GPR39: variants seen among roughly 807,000 people sequenced by gnomAD.
GPR39 encodes the protein G protein-coupled receptor 39, also known as zinc sensing receptor.
GPR39 carries 23 observed loss-of-function variants against 18.4 expected under a neutral mutation model. The ratio of observed to expected loss-of-function variants is 1.25; its 90% CI spans 0.90 to 1.77. The LOEUF is 1.77. Ranked by LOEUF, GPR39 falls within the 40% of genes most tolerant of loss-of-function variation. The pLI, the probability that GPR39 is intolerant of heterozygous loss-of-function variation, is 0.00. For missense variants in GPR39, 647 were observed against 602.4 expected (o/e 1.07, Z -0.78); for synonymous variants, 280 against 257.9 (o/e 1.09, Z -0.82).
At chr2:132,419,465 T>C (rs976959460) in intron 1 of GPR39, among the ~76,000 whole-genome samples, 9 of 152,240 alleles carry the variant, frequency 5.9e-5, no homozygotes, top group African/African-American at 1.9e-4. Flanking sequence ...TTGACAAGCA[T>C]AGGTAAGCCT....
chr2:132,427,888 T>TAA (rs1452996611), intron 1 of GPR39, among the ~76,000 whole-genome samples: 53 of 142,702 alleles, frequency 3.7e-4, no homozygotes, highest in Non-Finnish European at 5.9e-4. Flanking sequence ...TATATATATA[T>TAA]AATATATATA....
intron 1 of GPR39, among the ~76,000 whole-genome samples, chr2:132,625,087 T>C (rs1681517158): frequency 6.7e-6 from 1 of 149,556 alleles, no homozygotes; most frequent in African/African-American, 2.4e-5. Context: ...TTTTTTTTTT[T>C]TGCTTCTACA....
chr2:132,500,523 T>C (rs1461009538), intron 1 of GPR39, among the ~76,000 whole-genome samples: 1 of 152,212 alleles, frequency 6.6e-6, no homozygotes, highest in Non-Finnish European at 1.5e-5. Flanking sequence ...TCATCAGGGA[T>C]ATTGGTCTGT....
At position 132,639,200 on chromosome 2, in the gene GPR39, C is replaced by A. The variant is rs1358086781; in HGVS notation, c.857-5901C>A. On this transcript the variant is annotated intron_variant, in intron 1 of 1. Coordinates refer to ENST00000329321, the MANE Select transcript of GPR39 (RefSeq NM_001508.3). ...GGACAGGATCCTTAATAGGCCCCAG[C>A]CATCAAGAAGCAATTGCCAAGTAAA... Among the ~76,000 whole-genome samples the A allele has an allele frequency of 2.0e-5, 3 of 151,594 alleles. No individual in the cohort carries two copies. The East Asian group carries it at 5.8e-4, about 29-fold the overall frequency.
intron 1 of GPR39, among the ~76,000 whole-genome samples, chr2:132,489,316 G>C (rs1681410240): frequency 6.6e-6 from 1 of 152,068 alleles, no homozygotes; most frequent in Non-Finnish European, 1.5e-5. Context: ...CGTGGTGCTG[G>C]GCTTGGTGCC....
At position 132,646,268 on chromosome 2, in the gene GPR39, C is replaced by G. The variant is rs1270619003; in HGVS notation, c.*662C>G. 2.6e-6 allele frequency: 4 copies of G among 1,551,210 alleles called. No homozygotes were observed. The highest frequency in any genetic ancestry group is 3.5e-6 in the Non-Finnish European group (4 of 1,145,246). Reference sequence around the variant, plus strand: ...GGCCGCTGATGATGCACAGGACTTGCGGTACATGATCCCTGTAACACAGAC... The same window carrying G: ...GGCCGCTGATGATGCACAGGACTTGGGGTACATGATCCCTGTAACACAGAC... On this transcript the variant is annotated 3_prime_UTR_variant, in exon 2 of 2. Coordinates refer to ENST00000329321, the MANE Select transcript of GPR39 (RefSeq NM_001508.3).
intron 1 of GPR39, among the ~76,000 whole-genome samples, chr2:132,489,488 G>A: frequency 6.6e-6 from 1 of 152,052 alleles, no homozygotes; most frequent in East Asian, 1.9e-4. Flanking sequence ...TTTCTTGACT[G>A]TGTGACTATA....
chr2:132,603,379 G>A (rs1276307829), intron 1 of GPR39, among the ~76,000 whole-genome samples: 1 of 152,156 alleles, frequency 6.6e-6, no homozygotes, highest in Non-Finnish European at 1.5e-5. Context: ...CTGATAAGGG[G>A]AGGAGAGGAT....
chr2:132,597,082 G>A (rs1009202093), intron 1 of GPR39, among the ~76,000 whole-genome samples: 20 of 152,166 alleles, frequency 1.3e-4, no homozygotes, highest in African/African-American at 4.8e-4. Flanking sequence ...TGAAGGAGAG[G>A]TGAGGACAGG....
At chr2:132,506,079 A>G (rs1284280199) in intron 1 of GPR39, among the ~76,000 whole-genome samples, 1 of 152,112 alleles carries the variant, frequency 6.6e-6, no homozygotes, top group Non-Finnish European at 1.5e-5. Flanking sequence ...TGTCTTTTTA[A>G]TAATAGCCAT....
chr2:132,516,504 C>T (rs993974765), intron 1 of GPR39, among the ~76,000 whole-genome samples: 6 of 152,126 alleles, frequency 3.9e-5, no homozygotes, highest in African/African-American at 1.4e-4. Context: ...CTGACATTTC[C>T]TATTCTTAAT....
chr2:132,480,560 A>G (rs1228535144), intron 1 of GPR39, among the ~76,000 whole-genome samples: 1 of 152,168 alleles, frequency 6.6e-6, no homozygotes. Flanking sequence ...GGGCAGGGAC[A>G]GGAGGAAGGA....
chr2:132,451,112 T>C (rs1034890779), intron 1 of GPR39, among the ~76,000 whole-genome samples: 1 of 151,636 alleles, frequency 6.6e-6, no homozygotes, highest in Non-Finnish European at 1.5e-5. Context: ...TGGGAAGCTC[T>C]GGAGGCTAGC....
chr2:132,536,414 T>G (rs947393547), intron 1 of GPR39, among the ~76,000 whole-genome samples: 12 of 152,250 alleles, frequency 7.9e-5, no homozygotes, highest in African/African-American at 2.9e-4. Flanking sequence ...CTAATGTAGT[T>G]GCACTGTGGT....
At position 132,512,384 on chromosome 2, in the gene GPR39, A is replaced by AG. The variant is rs201221372; in HGVS notation, c.856+94493dup. ...AGAGATGAGGGCACTGAAAAGGATA[A>AG]GGGGGGGTACAGCCCCCTTCTCCCT... On this transcript the variant is annotated intron_variant, in intron 1 of 1. Coordinates refer to ENST00000329321, the MANE Select transcript of GPR39 (RefSeq NM_001508.3). Among the ~76,000 whole-genome samples, 483 of 152,196 alleles carry AG rather than the reference A, an allele frequency of 3.2e-3. 2 individuals carry two copies. Among genetic ancestry groups the AG allele is most frequent in the African/African-American group, 0.011 (452 of 41,512 alleles).
chr2:132,568,050 TC>T (rs1680381805), intron 1 of GPR39, among the ~76,000 whole-genome samples: 1 of 152,066 alleles, frequency 6.6e-6, no homozygotes, highest in Non-Finnish European at 1.5e-5. Context: ...TGACACTGGT[TC>T]TGATTTAACT....
In GPR39 at chr2:132,427,289, G is replaced by A. The variant is rs956087127; in HGVS notation, c.856+9391G>A. Among the ~76,000 whole-genome samples, 90 of 147,636 alleles carry A rather than the reference G, an allele frequency of 6.1e-4. 1 individual carries two copies. Among genetic ancestry groups the A allele is most frequent in the African/African-American group, 2.1e-3 (87 of 40,480 alleles). On this transcript the variant is annotated intron_variant, in intron 1 of 1. Transcript: ENST00000329321. ...ATGCCATACTCCTGCCTCAGCCCCC[G>A]AGTGGCTGAGACTACAGGCGCCTGC...
chr2:132,513,284 T>G (rs1261414555), intron 1 of GPR39, among the ~76,000 whole-genome samples: 3 of 125,442 alleles, frequency 2.4e-5, no homozygotes, highest in Non-Finnish European at 3.4e-5. Flanking sequence ...ATCAACAGTC[T>G]GCACCCCGTC....
chr2:132,538,488 C>T (rs11888950), intron 1 of GPR39, among the ~76,000 whole-genome samples: 23,653 of 152,170 alleles, frequency 0.16, 1,879 homozygotes, highest in Middle Eastern at 0.24. Context: ...GTCTGTCAGC[C>T]CCTTTTGGGA....
Sources: gnomAD v4.1 joint callset for allele counts (sites outside exome capture counted in the v4.1 genomes callset) on GRCh38, gnomAD v4.1.1 for gene constraint, MANE v1.5 for transcripts, NCBI Gene and HGNC (gene_info 2026-07-23, HGNC 2026-07-21) for gene names.